Variants in LRRC4C observed in about 807,000 individuals in gnomAD.
LRRC4C encodes the protein leucine rich repeat containing 4C, also known as leucine-rich repeat-containing protein 4C.
LRRC4C carries 5 observed loss-of-function variants against 33.6 expected under a neutral mutation model. The ratio of observed to expected loss-of-function variants is 0.15; its 90% confidence interval spans 0.08 to 0.31. LRRC4C has a LOEUF of 0.31. Ranked by LOEUF, LRRC4C falls within the 10% of genes least tolerant of loss-of-function variation. The pLI, the probability that LRRC4C is intolerant of heterozygous loss-of-function variation, is 1.00. For synonymous variants in LRRC4C, 329 were observed against 302.0 expected, an observed-to-expected ratio of 1.09 and a Z score of -0.93; for missense variants, 560 against 796.7, an observed-to-expected ratio of 0.70 and a Z score of 3.58.
At chr11:41,019,213 G>A (rs377645180) in intron 1 of LRRC4C, among the ~76,000 whole-genome samples, 6 of 151,672 alleles carry the variant, frequency 4.0e-5, no homozygotes, top group African/African-American at 9.7e-5. Context: ...TGTTATTCCC[G>A]TCTCTGTCCA....
intron 1 of LRRC4C, among the ~76,000 whole-genome samples, chr11:40,968,705 G>A (rs1279739745): frequency 6.6e-6 from 1 of 152,034 alleles, no homozygotes; most frequent in Admixed American, 6.6e-5. Flanking sequence ...GAGTACATCT[G>A]TTTACAGCAT....
At chr11:40,539,973 T>G (rs1213214387) in intron 3 of LRRC4C, among the ~76,000 whole-genome samples, 2 of 152,206 alleles carry the variant, frequency 1.3e-5, no homozygotes, top group African/African-American at 4.8e-5. Flanking sequence ...AATTGTAATT[T>G]TTTTTGTCAT....
chr11:40,194,204 A>G (rs893142087), intron 5 of LRRC4C, among the ~76,000 whole-genome samples: 4 of 152,226 alleles, frequency 2.6e-5, no homozygotes, highest in African/African-American at 9.6e-5. Flanking sequence ...GGGAAGCCAG[A>G]GGGAAGATCA....
chr11:40,886,831 T>A (rs2136071975), intron 2 of LRRC4C, among the ~76,000 whole-genome samples: 1 of 151,674 alleles, frequency 6.6e-6, no homozygotes, highest in South Asian at 2.1e-4. Context: ...CCACTGACCC[T>A]CCCCTTCAAA....
chr11:40,392,401 A>G (rs7947146), intron 3 of LRRC4C, among the ~76,000 whole-genome samples: 51,100 of 151,942 alleles, frequency 0.34, 9,788 homozygotes, highest in South Asian at 0.47. Flanking sequence ...ATAATAGAGG[A>G]AACTGTGTAT....
chr11:41,383,830 T>C (rs961748233), intron 1 of LRRC4C, among the ~76,000 whole-genome samples: 4 of 151,876 alleles, frequency 2.6e-5, no homozygotes, highest in Admixed American at 6.6e-5. Context: ...TCCAACTCTT[T>C]GTTGTTTATA....
intron 2 of LRRC4C, among the ~76,000 whole-genome samples, chr11:40,931,103 G>T (rs536456465): frequency 2.0e-5 from 3 of 152,214 alleles, no homozygotes; most frequent in African/African-American, 7.2e-5. Flanking sequence ...CAGACCTGGG[G>T]CAAATACACT....
chr11:40,403,974 C>A lies in LRRC4C; in HGVS notation c.-269-84253G>T, dbSNP rs150477216. 3.2e-3 allele frequency among the ~76,000 whole-genome samples: 494 copies of A among 152,228 alleles called. 4 individuals carry two copies. Among genetic ancestry groups the A allele is most frequent in the South Asian group, 0.015 (74 of 4,820 alleles). On this transcript the variant is annotated intron_variant, in intron 3 of 6. Transcript: ENST00000528697. ...GATAATAGATTATTTCAATAATGACCCATAAGGTTTTCATGGCTCCCTCCT... is the reference window on the plus strand; with the variant it reads ...GATAATAGATTATTTCAATAATGACACATAAGGTTTTCATGGCTCCCTCCT...
chr11:40,697,144 TG>T (rs1417654912), intron 2 of LRRC4C, among the ~76,000 whole-genome samples: 1 of 152,142 alleles, frequency 6.6e-6, no homozygotes, highest in African/African-American at 2.4e-5. Flanking sequence ...AAATAGTACT[TG>T]TTCCATACTG....
intron 1 of LRRC4C, among the ~76,000 whole-genome samples, chr11:41,364,034 G>A (rs1387983845): frequency 6.6e-6 from 1 of 152,026 alleles, no homozygotes; most frequent in African/African-American, 2.4e-5. Context: ...CAACACACTA[G>A]ATGCCTTTTA....
chr11:40,249,435 A>G (rs1866603119), intron 4 of LRRC4C, among the ~76,000 whole-genome samples: 1 of 152,092 alleles, frequency 6.6e-6, no homozygotes, highest in Non-Finnish European at 1.5e-5. Flanking sequence ...CTGAATTCAT[A>G]CTTCATCCAA....
intron 2 of LRRC4C, among the ~76,000 whole-genome samples, chr11:40,772,727 C>T (rs182780513): frequency 6.6e-5 from 10 of 152,180 alleles, no homozygotes; most frequent in Admixed American, 1.3e-4. Flanking sequence ...TGTAGAGAAA[C>T]GTGAACCCTC....
intron 3 of LRRC4C, among the ~76,000 whole-genome samples, chr11:40,344,427 GA>G (rs1947026037): frequency 6.6e-6 from 1 of 152,078 alleles, no homozygotes; most frequent in African/African-American, 2.4e-5. Context: ...AATAGATGCA[GA>G]AAAAGCTTCC....
intron 5 of LRRC4C, among the ~76,000 whole-genome samples, chr11:40,182,667 G>A (rs1414340520): frequency 6.6e-6 from 1 of 152,112 alleles, no homozygotes; most frequent in Non-Finnish European, 1.5e-5. Flanking sequence ...ATGCACACAT[G>A]AATACACACA....
In LRRC4C at chr11:40,473,402, C is replaced by A. The variant is rs562073645; in HGVS notation, c.-269-153681G>T. ...AAAAGGCCTTCCATAAAATTAAACA[C>A]CCCTTCATGCTAAAACTCTCAATAA... is the stretch of plus-strand genomic sequence containing the variant. On this transcript the variant is annotated intron_variant, in intron 3 of 6. Coordinates refer to ENST00000528697, the MANE Select transcript of LRRC4C (RefSeq NM_001258419.2). Among the ~76,000 whole-genome samples, 49 of 152,194 alleles carry A rather than the reference C, an allele frequency of 3.2e-4. 1 individual carries two copies. The South Asian group carries it at 1.0e-2, about 31-fold the overall frequency.
At chr11:41,175,188 T>G (rs1341974256) in intron 1 of LRRC4C, among the ~76,000 whole-genome samples, 1 of 152,076 alleles carries the variant, frequency 6.6e-6, no homozygotes, top group Non-Finnish European at 1.5e-5. Flanking sequence ...CTCAGTTAGA[T>G]TCCTCCAGCA....
At chr11:40,813,518 A>T (rs1461595663) in intron 2 of LRRC4C, among the ~76,000 whole-genome samples, 1 of 152,120 alleles carries the variant, frequency 6.6e-6, no homozygotes, top group Non-Finnish European at 1.5e-5. Context: ...ACAATTCAAG[A>T]TGAGATTTGG....
At chr11:41,001,651 A>T (rs1282317428) in intron 1 of LRRC4C, among the ~76,000 whole-genome samples, 1 of 152,116 alleles carries the variant, frequency 6.6e-6, no homozygotes, top group Admixed American at 6.6e-5. Context: ...TATCTGCTGA[A>T]TTTTAACGCA....
At chr11:40,518,794 T>G (rs186363323) in intron 3 of LRRC4C, among the ~76,000 whole-genome samples, 4,027 of 101,832 alleles carry the variant, frequency 0.04, 176 homozygotes, top group African/African-American at 0.12. Context: ...TAAAGACACA[T>G]GCACACATAT....
Sources: gnomAD v4.1 joint callset for allele counts (sites outside exome capture counted in the v4.1 genomes callset) on GRCh38, gnomAD v4.1.1 for gene constraint, MANE v1.5 for transcripts, NCBI Gene and HGNC (gene_info 2026-07-23, HGNC 2026-07-21) for gene names.